The following OASL variants were observed in gnomAD, a reference collection of about 807,000 sequenced individuals.
OASL encodes 2'-5'-oligoadenylate synthase-like protein.
A neutral mutation model predicts 35.3 loss-of-function variants in OASL; 28 were observed. The ratio of observed to expected loss-of-function variants is 0.79; its 90% CI spans 0.59 to 1.09. The LOEUF (loss-of-function observed/expected upper bound fraction) is 1.09. OASL is among the 50% of genes least tolerant of loss of function. OASL has a pLI of 0.00. For missense variants in OASL, 620 were observed against 635.2 expected (o/e 0.98, Z 0.26); for synonymous variants, 252 against 254.6 (o/e 0.99, Z 0.10).
At chr12:121,020,718 A>G in exon 6 of OASL, 1 of 1,614,170 alleles carries the variant, frequency 6.2e-7, no homozygotes, top group South Asian at 1.1e-5. Flanking sequence ...CTGGTCTTCA[A>G]TCTGCTGCTT....
chr12:121,038,797 C>T (rs757017045), exon 1 of OASL: 1 of 1,614,132 alleles, frequency 6.2e-7, no homozygotes, highest in Non-Finnish European at 8.5e-7. Flanking sequence ...AGCACCCGCA[C>T]ATCCTGGTCC....
At chr12:121,033,957 T>A (rs1414975638) in intron 1 of OASL, among the ~76,000 whole-genome samples, 6 of 152,100 alleles carry the variant, frequency 3.9e-5, no homozygotes, top group Non-Finnish European at 5.9e-5. Context: ...CTGAAAAAGA[T>A]CTTGACACTT....
chr12:121,027,840 AG>A, intron 3 of OASL, 23 bp from the exon 4 acceptor site: 1 of 1,435,950 alleles, frequency 7.0e-7, no homozygotes. Context: ...ATGGGAAGAC[AG>A]AGAGAGAGAG....
chr12:121,031,484 C>T (rs1036907423), exon 3 of OASL: 3 of 1,613,838 alleles, frequency 1.9e-6, no homozygotes, highest in African/African-American at 2.7e-5. Context: ...GGCTCTTCAG[C>T]TTAGTTGGCC....
At chr12:121,027,794 T>C in exon 4 of OASL, 1 of 1,613,988 alleles carries the variant, frequency 6.2e-7, no homozygotes, top group Non-Finnish European at 8.5e-7. Flanking sequence ...GCAGATTGGC[T>C]CTGGGGGACC....
exon 2 of OASL, chr12:121,033,723 G>A (rs2135914517): frequency 2.5e-6 from 4 of 1,613,214 alleles, no homozygotes; most frequent in Middle Eastern, 1.7e-4. Flanking sequence ...TGAGAACCGT[G>A]CCATTCCCGA....
chr12:121,020,208 ACTGCAGC>A, exon 6 of OASL: 1 of 209,040 alleles, frequency 4.8e-6, no homozygotes, highest in Non-Finnish European at 9.7e-6. Flanking sequence ...ATCACAGCTC[ACTGCAGC>A]TTCAGCCTCC....
chr12:121,036,717 C>T (rs1869971908), intron 1 of OASL, among the ~76,000 whole-genome samples: 1 of 152,204 alleles, frequency 6.6e-6, no homozygotes, highest in African/African-American at 2.4e-5. Flanking sequence ...TCCTTATTCC[C>T]TCCACTTTAT....
At chr12:121,030,426 G>C (rs1336747024) in intron 3 of OASL, among the ~76,000 whole-genome samples, 2 of 151,960 alleles carry the variant, frequency 1.3e-5, no homozygotes, top group South Asian at 4.1e-4. Context: ...GGATGGTCTC[G>C]ATCTCCTGAT....
exon 2 of OASL, chr12:121,033,496 A>G: frequency 1.9e-6 from 3 of 1,613,690 alleles, no homozygotes; most frequent in Non-Finnish European, 2.5e-6. Flanking sequence ...GGTGACCGTG[A>G]TGGGCTCCGC....
intron 4 of OASL, among the ~76,000 whole-genome samples, chr12:121,025,635 G>A (rs981000732): frequency 2.6e-5 from 4 of 151,966 alleles, no homozygotes; most frequent in Middle Eastern, 3.4e-3. Context: ...GGCGGCAGGC[G>A]CCTGTAGTCC....
At chr12:121,025,766 A>G (rs1869457150) in intron 4 of OASL, among the ~76,000 whole-genome samples, 1 of 151,510 alleles carries the variant, frequency 6.6e-6, no homozygotes, top group African/African-American at 2.4e-5. Flanking sequence ...CATTAAAAAA[A>G]AAAAAACAAA....
At chr12:121,024,089 C>T in exon 5 of OASL, 7 of 1,614,160 alleles carry the variant, frequency 4.3e-6, no homozygotes, top group African/African-American at 1.3e-5. Context: ...CCCATCTGTA[C>T]CCTTCTGCCA....
chr12:121,030,003 A>G (rs1314507937), intron 3 of OASL, among the ~76,000 whole-genome samples: 2 of 152,092 alleles, frequency 1.3e-5, no homozygotes, highest in African/African-American at 4.8e-5. Context: ...AGCAGCTGAG[A>G]CTACAGGAAC....
intron 1 of OASL, 41 bp from the exon 2 acceptor site, chr12:121,033,784 A>G (rs1042232944): frequency 1.9e-6 from 3 of 1,594,778 alleles, no homozygotes; most frequent in Non-Finnish European, 2.6e-6. Context: ...GCCCACTGCC[A>G]TGAGCCAGGC....
At chr12:121,023,966 G>T (rs1423442485) in intron 5 of OASL, 24 bp downstream of exon 5, 1 of 1,613,192 alleles carries the variant, frequency 6.2e-7, no homozygotes, top group South Asian at 1.1e-5. Flanking sequence ...TCAAGCCCTT[G>T]ACAGCCCAGA....
chr12:121,027,138 G>A (rs1411628709), intron 4 of OASL, among the ~76,000 whole-genome samples: 5 of 152,198 alleles, frequency 3.3e-5, no homozygotes, highest in Non-Finnish European at 5.9e-5. Flanking sequence ...CCTTAACACA[G>A]ATTTTCTCCA....
chr12:121,039,022 C>T (rs1870078641), exon 1 of OASL: 13 of 1,515,198 alleles, frequency 8.6e-6, no homozygotes, highest in Non-Finnish European at 1.2e-5. Context: ...AGGCTCCTAC[C>T]CAGCTCCCTG....
chr12:121,036,244 C>T (rs928656545), intron 1 of OASL, among the ~76,000 whole-genome samples: 4 of 152,144 alleles, frequency 2.6e-5, no homozygotes, highest in Admixed American at 1.3e-4. Context: ...TCCTGATTTG[C>T]TTCAGTTTTA....
Sources: allele counts gnomAD v4.1 joint callset (sites outside exome capture counted in the v4.1 genomes callset), GRCh38; gene constraint gnomAD v4.1.1; transcripts MANE v1.5; gene names NCBI Gene and HGNC (gene_info 2026-07-23, HGNC 2026-07-21).